Variants in HYAL4 observed in about 807,000 individuals in gnomAD.
The protein encoded by HYAL4 is hyaluronidase 4.
HYAL4 carries 37 observed loss-of-function variants against 35.2 expected under a neutral mutation model. The observed-to-expected ratio is 1.05, with a 90% CI of 0.81 to 1.38. The LOEUF is 1.38. HYAL4 is among the 40% of genes most tolerant of loss of function. The pLI is 0.00. For synonymous variants in HYAL4, 198 were observed against 203.2 expected (o/e 0.97, Z 0.22); for missense variants, 572 against 572.4 (o/e 1.00, Z 0.01).
chr7:123,810,865 T>A, the HYAL4 span, among the ~76,000 whole-genome samples: 1 of 152,254 alleles, frequency 6.6e-6, no homozygotes, highest in African/African-American at 2.4e-5. Context: ...TAAATTTTTT[T>A]ATTGTCTCCA....
In HYAL4 at chr7:123,869,084, A is replaced by G. The variant is rs547645218; in HGVS notation, c.811A>G (p.Ser271Gly). Residue 271 changes from serine (S) to glycine (G), a missense_variant, in exon 3 of 5, where the codon AGT becomes GGT. By Grantham distance (56) the Ser-to-Gly change is moderately conservative. Coordinates refer to ENST00000223026, the MANE Select transcript of HYAL4 (RefSeq NM_012269.3). ...CGGTGTCTGGAAATCCCTTGGAGAC[A>G]GTGAAAACATTTTGCGCTTCTCCAA... ...SIGVWKSLGDSENILRFSKFR... is the reference protein window; with the variant it reads ...SIGVWKSLGDGENILRFSKFR... 3.5e-5 allele frequency: 57 copies of G among 1,614,230 alleles called. No homozygotes were observed. The South Asian group carries it at 5.1e-4, about 14-fold the overall frequency.
rs1298333088 is a variant in HYAL4 at position 123,875,923 on chromosome 7, C to T, written c.1045-831C>T. The T allele has an allele frequency of 8.6e-5, 36 of 419,268 alleles. 1 individual carries two copies. The highest frequency in any genetic ancestry group is 5.0e-4 in the South Asian group (29 of 57,690). 26.0% of individuals were successfully genotyped at this position (419,268 alleles called of 1,614,324 possible). A position where few individuals can be genotyped will look rare whatever the true frequency, so the allele number is the denominator to read the frequency against. On this transcript the variant is annotated intron_variant, in intron 4 of 4. Coordinates refer to ENST00000223026, the MANE Select transcript of HYAL4 (RefSeq NM_012269.3). The stretch of plus-strand genomic sequence containing the variant: ...GATATTATTCTCAGAATTTCACAGT[C>T]TCAATTTGTTGCTACTGAGATAGTG...
chr7:123,806,632 A>G, the HYAL4 span, among the ~76,000 whole-genome samples: 3 of 149,478 alleles, frequency 2.0e-5, no homozygotes, highest in African/African-American at 7.4e-5. Flanking sequence ...TTTTTTTTTC[A>G]GTAGAGATGG....
the HYAL4 span, among the ~76,000 whole-genome samples, chr7:123,807,329 A>T: frequency 6.6e-6 from 1 of 152,010 alleles, no homozygotes; most frequent in African/African-American, 2.4e-5. Flanking sequence ...ACCATAAATA[A>T]TGTGCAGGTT....
the HYAL4 span, among the ~76,000 whole-genome samples, chr7:123,786,409 T>A: frequency 6.6e-6 from 1 of 152,202 alleles, no homozygotes; most frequent in Non-Finnish European, 1.5e-5. Context: ...TCACTACTTA[T>A]CTTTTGACCC....
chr7:123,846,656 G>T (rs1806180746), intron 1 of HYAL4, among the ~76,000 whole-genome samples: 2 of 151,972 alleles, frequency 1.3e-5, no homozygotes, highest in South Asian at 4.2e-4. Flanking sequence ...CTGAGGTCTG[G>T]ACAGGAAACT....
intron 2 of HYAL4, among the ~76,000 whole-genome samples, chr7:123,853,408 T>A (rs757928806): frequency 1.8e-4 from 28 of 152,210 alleles, no homozygotes; most frequent in Non-Finnish European, 4.0e-4. Context: ...ATACATTCCA[T>A]TAATACCAGT....
chr7:123,866,225 G>A (rs2116952787), intron 2 of HYAL4, among the ~76,000 whole-genome samples: 1 of 152,268 alleles, frequency 6.6e-6, no homozygotes, highest in East Asian at 1.9e-4. Context: ...GTCCCTTGAG[G>A]ACAATATCTC....
chr7:123,831,771 T>A lies in HYAL4; in HGVS notation c.-257+2647T>A, dbSNP rs188820519. ...ATATTTACTCAACAGGATTATTTCA[T>A]TGAATGAAAGGATGGACTGTAGATT... On this transcript the variant is annotated intron_variant, in intron 1 of 4. Transcript: ENST00000489978. 1.5e-3 allele frequency among the ~76,000 whole-genome samples: 230 copies of A among 152,294 alleles called. 1 individual carries two copies. Among genetic ancestry groups the A allele is most frequent in the Middle Eastern group, 0.014 (4 of 294 alleles).
At chr7:123,808,861 G>A in the HYAL4 span, among the ~76,000 whole-genome samples, 1 of 152,066 alleles carries the variant, frequency 6.6e-6, no homozygotes, top group African/African-American at 2.4e-5. Context: ...TGGTGGAAGG[G>A]GTAAAGGCCA....
At chr7:123,848,315 T>C (rs895585715) in intron 2 of HYAL4, among the ~76,000 whole-genome samples, 157 bp downstream of exon 2, 5 of 152,236 alleles carry the variant, frequency 3.3e-5, no homozygotes, top group African/African-American at 1.2e-4. Flanking sequence ...TTTTGAAATA[T>C]GAGTTTGTTT....
chr7:123,767,059 G>A, the HYAL4 span, among the ~76,000 whole-genome samples: 2 of 152,086 alleles, frequency 1.3e-5, no homozygotes, highest in Non-Finnish European at 2.9e-5. Flanking sequence ...AATTCACATT[G>A]AAATAGTATT....
chr7:123,782,683 A>C, the HYAL4 span, among the ~76,000 whole-genome samples: 2 of 151,846 alleles, frequency 1.3e-5, no homozygotes, highest in African/African-American at 4.8e-5. Flanking sequence ...ACCTTTCATA[A>C]GATCCTCATT....
intron 4 of HYAL4, chr7:123,875,974 C>T (rs1023748383): frequency 2.2e-6 from 1 of 455,812 alleles, no homozygotes; most frequent in Non-Finnish European, 4.4e-6. Flanking sequence ...ATGCCTATGC[C>T]CACATATGAG....
intron 1 of HYAL4, among the ~76,000 whole-genome samples, chr7:123,846,036 C>T (rs1471818368): frequency 6.6e-6 from 1 of 152,196 alleles, no homozygotes; most frequent in Non-Finnish European, 1.5e-5. Context: ...GATACCAGCA[C>T]CTGCTCTGGT....
chr7:123,874,709 G>A (rs1806966622), intron 3 of HYAL4, 52 bp from the exon 4 acceptor site: 4 of 1,152,410 alleles, frequency 3.5e-6, no homozygotes, highest in African/African-American at 3.0e-5. Flanking sequence ...CCAGCCCCTG[G>A]TGGATTGTTT....
rs1438802546 is a variant in HYAL4 at position 123,869,136 on chromosome 7, T to C, written c.863T>C (p.Ile288Thr). 1 of 1,614,162 alleles carries C rather than the reference T, an allele frequency of 6.2e-7. No homozygotes were observed. The highest frequency in any genetic ancestry group is 8.5e-7 in the Non-Finnish European group (1 of 1,180,002). The change falls in exon 3 of 5, where the codon ATC becomes ACC. Residue 288 changes from isoleucine to threonine, a missense_variant. Coordinates refer to ENST00000223026, the MANE Select transcript of HYAL4 (RefSeq NM_012269.3). ...TTTCGGGTGCATGAATCCATGAGGA[T>C]CTCCACCATGACATCTCATGATTAT... is the stretch of plus-strand genomic sequence containing the variant. ...SKFRVHESMR[I>T]STMTSHDYAL...
At position 123,845,620 on chromosome 7, in the gene HYAL4, TAAC is replaced by T. The variant is rs1288492338; in HGVS notation, c.-186_-184del. The T allele has an allele frequency of 6.6e-6, 1 of 152,194 alleles. No homozygotes were observed. Among genetic ancestry groups the T allele is most frequent in the African/African-American group, 2.4e-5 (1 of 41,446 alleles). The allele number at this position is 152,194 out of a possible 1,614,324, so 9.4% of individuals were successfully genotyped here. The stretch of plus-strand genomic sequence containing the variant: ...TCTGATGCCTCCTTGTTTAGCTTAA[TAAC>T]TGACCTTCTGAATTCTTTTTTAGGA... On this transcript the variant is annotated 5_prime_UTR_variant, in exon 1 of 5. Transcript: ENST00000223026.
At chr7:123,865,446 A>G (rs1396043706) in intron 2 of HYAL4, among the ~76,000 whole-genome samples, 1 of 152,188 alleles carries the variant, frequency 6.6e-6, no homozygotes, top group African/African-American at 2.4e-5. Flanking sequence ...TGAAAATACT[A>G]TTCTCTTCAA....
Sources: gnomAD v4.1 joint callset for allele counts (sites outside exome capture counted in the v4.1 genomes callset) on GRCh38, gnomAD v4.1.1 for gene constraint, MANE v1.5 for transcripts, NCBI Gene and HGNC (gene_info 2026-07-23, HGNC 2026-07-21) for gene names.